TMEM163: variants seen among roughly 807,000 people sequenced by gnomAD.
TMEM163 encodes transmembrane protein 163.
Under a neutral mutation model 29.3 loss-of-function variants are expected in TMEM163, and 17 were observed. The observed-to-expected ratio is 0.58, with a 90% confidence interval of 0.40 to 0.87. The LOEUF is 0.87. Ranked by LOEUF, TMEM163 falls within the 40% of genes least tolerant of loss-of-function variation. TMEM163 has a pLI of 0.00. For missense variants in TMEM163, 303 were observed against 381.5 expected (o/e 0.79, Z 1.71); for synonymous variants, 157 against 160.6 (o/e 0.98, Z 0.17).
intron 2 of TMEM163, among the ~76,000 whole-genome samples, chr2:134,659,169 T>C (rs1362085346): frequency 1.3e-5 from 2 of 152,318 alleles, no homozygotes; most frequent in East Asian, 3.9e-4. Context: ...TATTTGTGTA[T>C]CTAAACACAT....
chr2:134,685,811 A>G (rs968498459), intron 2 of TMEM163, among the ~76,000 whole-genome samples: 2 of 152,258 alleles, frequency 1.3e-5, no homozygotes, highest in Middle Eastern at 3.2e-3. Flanking sequence ...GGGTATGATT[A>G]CACTCTCCAT....
intron 5 of TMEM163, among the ~76,000 whole-genome samples, chr2:134,486,681 G>A (rs897840826): frequency 6.6e-6 from 1 of 152,200 alleles, no homozygotes; most frequent in Non-Finnish European, 1.5e-5. Flanking sequence ...GGAATAGATA[G>A]TTCTTACGTT....
Position 134,570,463 on chromosome 2 carries a change from CAT to C in TMEM163, c.323-18374_323-18373del, listed in dbSNP as rs35018528. Among the ~76,000 whole-genome samples the C allele has an allele frequency of 0.012, 1,658 of 139,980 alleles. 40 individuals are homozygous for C. The Middle Eastern group carries it at 0.12, about 11-fold the overall frequency. The allele number at this position is 139,980 out of a possible 152,430, so 91.8% of individuals were successfully genotyped here. A position where few individuals can be genotyped will look rare whatever the true frequency, so the allele number is the denominator to read the frequency against. The stretch of plus-strand genomic sequence containing the variant: ...CCCCACAGATAAGGGGGTACTACTA[CAT>C]ATATATATACATATACATATACATA... On this transcript the variant is annotated intron_variant, in intron 2 of 7. Transcript: ENST00000281924.
intron 2 of TMEM163, among the ~76,000 whole-genome samples, chr2:134,682,526 A>C (rs997576180): frequency 1.3e-5 from 2 of 152,238 alleles, no homozygotes; most frequent in Non-Finnish European, 2.9e-5. Flanking sequence ...CCACAGGCTA[A>C]GAGCGTGAAG....
chr2:134,559,675 A>G (rs1681123945), intron 2 of TMEM163, among the ~76,000 whole-genome samples: 1 of 152,134 alleles, frequency 6.6e-6, no homozygotes, highest in Non-Finnish European at 1.5e-5. Context: ...GGCTACATAC[A>G]AAAAGGGACT....
chr2:134,597,120 G>C (rs1005581532), intron 2 of TMEM163, among the ~76,000 whole-genome samples: 1 of 152,018 alleles, frequency 6.6e-6, no homozygotes, highest in East Asian at 1.9e-4. Flanking sequence ...TCTCCTGCCT[G>C]ATTGCCCTGG....
chr2:134,627,300 C>T (rs927547963), intron 2 of TMEM163, among the ~76,000 whole-genome samples: 3 of 152,086 alleles, frequency 2.0e-5, no homozygotes, highest in Admixed American at 6.5e-5. Flanking sequence ...AAAAATCAAG[C>T]GCCTCATTTT....
intron 2 of TMEM163, among the ~76,000 whole-genome samples, chr2:134,629,813 G>A (rs377516362): frequency 2.0e-5 from 3 of 152,128 alleles, no homozygotes; most frequent in Admixed American, 6.5e-5. Context: ...TTCAGAATTC[G>A]TGATTTCAAG....
intron 2 of TMEM163, among the ~76,000 whole-genome samples, chr2:134,606,913 C>A (rs1682383569): frequency 6.8e-6 from 1 of 148,006 alleles, no homozygotes; most frequent in Non-Finnish European, 1.5e-5. Context: ...GCAATGAGGA[C>A]AGACCCCGAG....
chr2:134,587,432 A>T (rs961847772), intron 2 of TMEM163, among the ~76,000 whole-genome samples: 2 of 152,098 alleles, frequency 1.3e-5, no homozygotes, highest in African/African-American at 2.4e-5. Context: ...AAAAAAACAA[A>T]GTATCACCCC....
intron 2 of TMEM163, among the ~76,000 whole-genome samples, chr2:134,691,981 G>A (rs138754949): frequency 2.7e-3 from 410 of 152,248 alleles, no homozygotes; most frequent in Non-Finnish European, 5.0e-3. Flanking sequence ...TTTCAGAACC[G>A]TAGCAGGAGT....
At chr2:134,628,073 G>C (rs1200092697) in intron 2 of TMEM163, among the ~76,000 whole-genome samples, 1 of 152,158 alleles carries the variant, frequency 6.6e-6, no homozygotes, top group Non-Finnish European at 1.5e-5. Context: ...TGATTTTCTT[G>C]ATGGAAATGT....
intron 2 of TMEM163, among the ~76,000 whole-genome samples, chr2:134,661,925 CTTTCTTTT>C (rs1265581500): frequency 1.1e-4 from 9 of 79,068 alleles, no homozygotes; most frequent in African/African-American, 1.8e-4. Context: ...CATTAATTTT[CTTTCTTTT>C]TTTTTTTTTT....
At chr2:134,610,922 C>T (rs1015157694) in intron 2 of TMEM163, among the ~76,000 whole-genome samples, 3 of 151,942 alleles carry the variant, frequency 2.0e-5, no homozygotes, top group African/African-American at 4.8e-5. Context: ...GCTTCTATAC[C>T]GAGACTATGA....
intron 2 of TMEM163, among the ~76,000 whole-genome samples, chr2:134,623,748 CA>C (rs1204335139): frequency 6.6e-6 from 1 of 152,068 alleles, no homozygotes; most frequent in East Asian, 1.9e-4. Flanking sequence ...GCCTGGGAAA[CA>C]AGAGTGAAAC....
At chr2:134,623,753 G>A (rs1682789251) in intron 2 of TMEM163, among the ~76,000 whole-genome samples, 1 of 152,110 alleles carries the variant, frequency 6.6e-6, no homozygotes, top group Non-Finnish European at 1.5e-5. Flanking sequence ...GGAAACAAGA[G>A]TGAAACTCCA....
chr2:134,578,769 T>C (rs1454838752), intron 2 of TMEM163, among the ~76,000 whole-genome samples: 1 of 152,038 alleles, frequency 6.6e-6, no homozygotes, highest in African/African-American at 2.4e-5. Context: ...TGTGTGTGCA[T>C]GTGTGTGTGA....
intron 2 of TMEM163, among the ~76,000 whole-genome samples, chr2:134,656,384 C>T (rs1009804132): frequency 6.6e-6 from 1 of 151,808 alleles, no homozygotes. Context: ...CCAGGTGAGG[C>T]AATGCCTTGC....
intron 2 of TMEM163, among the ~76,000 whole-genome samples, chr2:134,577,736 C>CCA (rs922565443): frequency 1.3e-5 from 2 of 151,654 alleles, no homozygotes; most frequent in African/African-American, 4.8e-5. Context: ...TCCGTGCCCA[C>CCA]CAGGTATTTA....
Sources: allele counts gnomAD v4.1 joint callset (sites outside exome capture counted in the v4.1 genomes callset), GRCh38; gene constraint gnomAD v4.1.1; transcripts MANE v1.5; gene names NCBI Gene and HGNC (gene_info 2026-07-23, HGNC 2026-07-21).